Variants in UVRAG observed in about 807,000 individuals in gnomAD.
The protein encoded by UVRAG is UV radiation resistance-associated gene protein.
UVRAG carries 19 observed loss-of-function variants against 78.0 expected under a neutral mutation model. The observed-to-expected ratio is 0.24, with a 90% CI of 0.17 to 0.36. The LOEUF (loss-of-function observed/expected upper bound fraction) is 0.36. Ranked by LOEUF, UVRAG falls within the 10% of genes least tolerant of loss-of-function variation. UVRAG has a pLI of 1.00. For synonymous variants in UVRAG, 323 were observed against 324.6 expected (o/e 1.00, Z 0.05); for missense variants, 740 against 853.8 (o/e 0.87, Z 1.66).
At chr11:75,883,395 A>C (rs566880121) in intron 4 of UVRAG, among the ~76,000 whole-genome samples, 36 of 151,820 alleles carry the variant, frequency 2.4e-4, no homozygotes, top group Non-Finnish European at 4.1e-4. Flanking sequence ...AAAGAAAAAA[A>C]AAAAAGAAAA....
At chr11:76,027,843 C>T (rs1950357868) in intron 12 of UVRAG, among the ~76,000 whole-genome samples, 2 of 152,054 alleles carry the variant, frequency 1.3e-5, no homozygotes, top group African/African-American at 4.8e-5. Context: ...TTGTGAGGTA[C>T]ATCATCTTTA....
intron 14 of UVRAG, among the ~76,000 whole-genome samples, chr11:76,124,209 T>G (rs1364977099): frequency 6.6e-6 from 1 of 152,248 alleles, no homozygotes; most frequent in Non-Finnish European, 1.5e-5. Context: ...TTAAGTATTG[T>G]TTTTGATTAT....
At chr11:76,115,174 C>T (rs1176092197) in intron 13 of UVRAG, among the ~76,000 whole-genome samples, 1 of 152,112 alleles carries the variant, frequency 6.6e-6, no homozygotes, top group Admixed American at 6.6e-5. Context: ...CCGATGAAAA[C>T]CATTAGCAAC....
At chr11:75,998,740 C>T (rs149219303) in intron 8 of UVRAG, among the ~76,000 whole-genome samples, 84 of 152,268 alleles carry the variant, frequency 5.5e-4, no homozygotes, top group African/African-American at 1.9e-3. Flanking sequence ...TCGTTAATGA[C>T]CAAGTGTAGA....
At chr11:75,993,799 A>G (rs1252373095) in intron 8 of UVRAG, among the ~76,000 whole-genome samples, 2 of 152,210 alleles carry the variant, frequency 1.3e-5, no homozygotes, top group Non-Finnish European at 2.9e-5. Context: ...TGCAGGCTGT[A>G]CAGGAAGCAT....
chr11:75,882,481 C>G (rs568972717), intron 4 of UVRAG, among the ~76,000 whole-genome samples: 1 of 151,516 alleles, frequency 6.6e-6, no homozygotes, highest in Non-Finnish European at 1.5e-5. Context: ...CCACTGCACT[C>G]CAGCCTGGGT....
intron 8 of UVRAG, among the ~76,000 whole-genome samples, chr11:75,992,397 C>A (rs1422061702): frequency 6.6e-6 from 1 of 152,152 alleles, no homozygotes; most frequent in African/African-American, 2.4e-5. Flanking sequence ...CATTTTCTCA[C>A]TTTTATATAT....
chr11:76,003,921 G>T, intron 8 of UVRAG, 84 bp from the exon 9 acceptor site: 1 of 1,252,598 alleles, frequency 8.0e-7, no homozygotes, highest in Non-Finnish European at 1.2e-6. Flanking sequence ...CCCTCTCACA[G>T]TCAGGGATTT....
chr11:75,849,494 A>C (rs1946108699), intron 1 of UVRAG, among the ~76,000 whole-genome samples: 1 of 126,132 alleles, frequency 7.9e-6, no homozygotes, highest in Non-Finnish European at 1.5e-5. Context: ...ACTCCATCTC[A>C]AAAAAAAAAA....
intron 7 of UVRAG, among the ~76,000 whole-genome samples, chr11:75,971,486 A>G (rs916553795): frequency 6.6e-6 from 1 of 152,210 alleles, no homozygotes; most frequent in Non-Finnish European, 1.5e-5. Context: ...GTGTTGTTCC[A>G]TATCTTTGCC....
chr11:76,133,994 C>G (rs1293057887), intron 14 of UVRAG, among the ~76,000 whole-genome samples: 1 of 145,034 alleles, frequency 6.9e-6, no homozygotes, highest in Non-Finnish European at 1.5e-5. Context: ...CACTCTGTTG[C>G]CCAGGCTGGA....
chr11:76,003,257 ATTTTTTTTTTTT>A (rs398045280), intron 8 of UVRAG, among the ~76,000 whole-genome samples: 19 of 53,786 alleles, frequency 3.5e-4, no homozygotes, highest in Admixed American at 7.1e-4. Context: ...GAAAATACTG[ATTTTTTTTTTTT>A]TTTTTTTTTT....
At chr11:75,900,082 CT>C (rs1947455810) in intron 5 of UVRAG, among the ~76,000 whole-genome samples, 1 of 152,128 alleles carries the variant, frequency 6.6e-6, no homozygotes, top group African/African-American at 2.4e-5. Flanking sequence ...AGGATCTTGT[CT>C]TCTTAGCACA....
At chr11:75,998,644 C>T (rs1323798931) in intron 8 of UVRAG, among the ~76,000 whole-genome samples, 2 of 152,170 alleles carry the variant, frequency 1.3e-5, no homozygotes, top group African/African-American at 4.8e-5. Flanking sequence ...AGGATGTGAG[C>T]ACTGATTACT....
At chr11:75,844,754 C>G (rs988731046) in intron 1 of UVRAG, among the ~76,000 whole-genome samples, 1 of 151,452 alleles carries the variant, frequency 6.6e-6, no homozygotes, top group African/African-American at 2.4e-5. Context: ...CTCACTGCAG[C>G]CTTGGCTCAT....
intron 13 of UVRAG, among the ~76,000 whole-genome samples, chr11:76,069,836 A>G (rs1422497512): frequency 2.0e-5 from 3 of 152,102 alleles, no homozygotes; most frequent in African/African-American, 7.2e-5. Context: ...ATATATTTCC[A>G]TCCTTAAAGT....
chr11:75,823,434 A>G (rs1308901718), intron 1 of UVRAG, among the ~76,000 whole-genome samples: 1 of 152,146 alleles, frequency 6.6e-6, no homozygotes. Context: ...CCTGGACTCA[A>G]ATTATGTGCC....
rs1006945810 is a variant in UVRAG, at chr11:75,954,613, A to G, written c.594-6831A>G. Among the ~76,000 whole-genome samples, 16 of 152,288 alleles carry G rather than the reference A, an allele frequency of 1.1e-4. 1 individual carries two copies. The highest frequency in any genetic ancestry group is 6.5e-4 in the Admixed American group (10 of 15,290). ...TCTCCCACTGATGTCAAAAATGTCA[A>G]ATTTTGGGACTGTGCTTTTATGTTC... On this transcript the variant is annotated intron_variant, in intron 6 of 14. Transcript: ENST00000356136.
intron 12 of UVRAG, among the ~76,000 whole-genome samples, chr11:76,028,306 A>G (rs959572109): frequency 4.6e-5 from 7 of 152,074 alleles, no homozygotes; most frequent in Non-Finnish European, 7.4e-5. Context: ...TCAAACCTCC[A>G]TAGTCCCTGA....
Sources: allele counts gnomAD v4.1 joint callset (sites outside exome capture counted in the v4.1 genomes callset), GRCh38; gene constraint gnomAD v4.1.1; transcripts MANE v1.5; gene names NCBI Gene and HGNC (gene_info 2026-07-23, HGNC 2026-07-21).